The following GPR158 variants were observed in gnomAD, a reference collection of about 807,000 sequenced individuals.
The protein encoded by GPR158 is G protein-coupled receptor 158.
In GPR158, 30 loss-of-function variants were observed where a neutral mutation model predicts 78.2. The observed-to-expected ratio is 0.38, with a 90% CI of 0.29 to 0.52. The LOEUF (loss-of-function observed/expected upper bound fraction) is 0.52, where lower values mean the gene tolerates loss of function less well. GPR158 is among the 20% of genes least tolerant of loss of function. The pLI, the probability that GPR158 is intolerant of heterozygous loss-of-function variation, is 0.83. For missense variants in GPR158, 1,463 were observed against 1,523.5 expected, an observed-to-expected ratio of 0.96 and a Z score of 0.66; for synonymous variants, 581 against 591.1, an observed-to-expected ratio of 0.98 and a Z score of 0.25.
chr10:25,454,996 CA>C (rs1351858922), intron 4 of GPR158, among the ~76,000 whole-genome samples: 1 of 151,932 alleles, frequency 6.6e-6, no homozygotes, highest in Non-Finnish European at 1.5e-5. Context: ...TGAAAAATAC[CA>C]AAAGTTAAAC....
chr10:25,563,051 G>A (rs962194049), intron 6 of GPR158, among the ~76,000 whole-genome samples: 1 of 151,966 alleles, frequency 6.6e-6, no homozygotes, highest in Non-Finnish European at 1.5e-5. Flanking sequence ...TCCAACAAAT[G>A]TTACCTTATA....
rs139175625 is a variant in GPR158, at chr10:25,415,813, C to G, written c.1335+3340C>G. 5.4e-3 allele frequency among the ~76,000 whole-genome samples: 822 copies of G among 151,996 alleles called. 11 individuals are homozygous for G. Among genetic ancestry groups the G allele is most frequent in the African/African-American group, 0.019 (794 of 41,460 alleles). Reference sequence around the variant, plus strand: ...CTCAGAATAGGCAAATTCATACAGACAAGTAGATTAGTGGTTACCAGGTAC... The same window carrying G: ...CTCAGAATAGGCAAATTCATACAGAGAAGTAGATTAGTGGTTACCAGGTAC... On this transcript the variant is annotated intron_variant, in intron 4 of 10. Transcript: ENST00000376351.
intron 2 of GPR158, among the ~76,000 whole-genome samples, chr10:25,287,181 T>A (rs1215550426): frequency 6.6e-6 from 1 of 152,058 alleles, no homozygotes; most frequent in African/African-American, 2.4e-5. Flanking sequence ...TTCCTTTTCT[T>A]TTTCCCTAGC....
intron 5 of GPR158, among the ~76,000 whole-genome samples, chr10:25,477,523 A>T (rs920293911): frequency 6.6e-6 from 1 of 152,082 alleles, no homozygotes; most frequent in Non-Finnish European, 1.5e-5. Context: ...TTAGGGCAGA[A>T]TGGTAGCAGT....
At chr10:25,179,219 C>A (rs1359651984) in intron 1 of GPR158, among the ~76,000 whole-genome samples, 1 of 152,088 alleles carries the variant, frequency 6.6e-6, no homozygotes, top group East Asian at 1.9e-4. Context: ...TAGTATTTGA[C>A]AGGTATGGTA....
At chr10:25,554,882 C>T (rs1467941472) in intron 6 of GPR158, among the ~76,000 whole-genome samples, 5 of 152,102 alleles carry the variant, frequency 3.3e-5, no homozygotes, top group Admixed American at 2.0e-4. Context: ...CTTAAATTCT[C>T]ACAGACATTT....
chr10:25,238,985 A>G (rs1853568134), intron 2 of GPR158, among the ~76,000 whole-genome samples: 1 of 152,212 alleles, frequency 6.6e-6, no homozygotes, highest in Non-Finnish European at 1.5e-5. Flanking sequence ...ATACCTTTAA[A>G]TCATACATTA....
intron 2 of GPR158, among the ~76,000 whole-genome samples, chr10:25,287,544 C>G (rs2130760830): frequency 6.6e-6 from 1 of 152,186 alleles, no homozygotes; most frequent in African/African-American, 2.4e-5. Context: ...GTGAATCTCC[C>G]TTTTATATGT....
At chr10:25,201,749 T>TTTA (rs368479312) in intron 1 of GPR158, among the ~76,000 whole-genome samples, 29 of 152,166 alleles carry the variant, frequency 1.9e-4, no homozygotes, top group African/African-American at 6.7e-4. Context: ...TGTTTTTTTT[T>TTTA]AATTCTGTTT....
intron 4 of GPR158, among the ~76,000 whole-genome samples, chr10:25,424,254 G>T (rs973049297): frequency 1.3e-5 from 2 of 151,938 alleles, no homozygotes; most frequent in African/African-American, 2.4e-5. Flanking sequence ...GTAAATTTAA[G>T]TTCTTTGTAG....
Position 25,221,044 on chromosome 10 carries a change from A to G in GPR158, c.903-8A>G, listed in dbSNP as rs764775731. 2 of 1,359,360 alleles carry G rather than the reference A, an allele frequency of 1.5e-6. No individual in the cohort carries two copies. Among genetic ancestry groups the G allele is most frequent in the Non-Finnish European group, 2.1e-6 (2 of 960,388 alleles). The allele number at this position is 1,359,360 out of a possible 1,614,324, so 84.2% of individuals were successfully genotyped here. ...TAATTTGTTCTTTTTATCCTTTTCTATTTCTAGGGGTGTCATGAAAGTTGA... is the reference window on the plus strand; with the variant it reads ...TAATTTGTTCTTTTTATCCTTTTCTGTTTCTAGGGGTGTCATGAAAGTTGA... On this transcript the variant is annotated splice_polypyrimidine_tract_variant and splice_region_variant and intron_variant, in intron 1 of 10. Transcript: ENST00000376351.
chr10:25,412,976 A>G (rs1457889432), intron 4 of GPR158, among the ~76,000 whole-genome samples: 4 of 152,200 alleles, frequency 2.6e-5, no homozygotes, highest in Non-Finnish European at 5.9e-5. Context: ...CCCGGGAAGA[A>G]CTTACACAGT....
intron 2 of GPR158, among the ~76,000 whole-genome samples, chr10:25,380,296 A>G (rs1834137085): frequency 6.6e-6 from 1 of 152,034 alleles, no homozygotes; most frequent in Admixed American, 6.6e-5. Flanking sequence ...TACGTTGATC[A>G]CTGTTGTTCT....
chr10:25,178,888 T>A (rs1219080737), intron 1 of GPR158, among the ~76,000 whole-genome samples: 1 of 152,232 alleles, frequency 6.6e-6, no homozygotes, highest in African/African-American at 2.4e-5. Flanking sequence ...AGAAATGGGA[T>A]CCAGGCCTTC....
chr10:25,281,409 CAAA>C (rs749627659), intron 2 of GPR158, among the ~76,000 whole-genome samples: 299 of 68,494 alleles, frequency 4.4e-3, no homozygotes, highest in African/African-American at 0.013. Flanking sequence ...ACCAAAAATA[CAAA>C]AAAAAAAAAA....
intron 2 of GPR158, among the ~76,000 whole-genome samples, chr10:25,346,925 T>C (rs1855379607): frequency 6.6e-6 from 1 of 152,028 alleles, no homozygotes; most frequent in Non-Finnish European, 1.5e-5. Flanking sequence ...TGGCTTGATT[T>C]TTTTTAACCA....
At chr10:25,292,813 AT>A (rs2130766342) in intron 2 of GPR158, among the ~76,000 whole-genome samples, 1 of 152,280 alleles carries the variant, frequency 6.6e-6, no homozygotes, top group South Asian at 2.1e-4. Context: ...CTGGTTAGAC[AT>A]GTATTTTCTA....
intron 2 of GPR158, among the ~76,000 whole-genome samples, chr10:25,344,408 A>G (rs1855343379): frequency 6.6e-6 from 1 of 151,874 alleles, no homozygotes; most frequent in Non-Finnish European, 1.5e-5. Flanking sequence ...AACACTTAAC[A>G]CTTAAAATCT....
At chr10:25,562,900 A>T (rs1248123302) in intron 6 of GPR158, among the ~76,000 whole-genome samples, 2 of 152,162 alleles carry the variant, frequency 1.3e-5, no homozygotes, top group Non-Finnish European at 2.9e-5. Flanking sequence ...ATTATTATTG[A>T]ACTATCTTTT....
Sources: gnomAD v4.1 joint callset for allele counts (sites outside exome capture counted in the v4.1 genomes callset) on GRCh38, gnomAD v4.1.1 for gene constraint, MANE v1.5 for transcripts, NCBI Gene and HGNC (gene_info 2026-07-23, HGNC 2026-07-21) for gene names.